DDX52: variants seen among roughly 807,000 people sequenced by gnomAD.
The protein encoded by DDX52 is probable ATP-dependent RNA helicase DDX52.
Under a neutral mutation model 76.1 loss-of-function variants are expected in DDX52, and 59 were observed. The observed-to-expected ratio is 0.78, with a 90% CI of 0.63 to 0.96. DDX52 has a LOEUF of 0.96. Ranked by LOEUF, DDX52 falls within the 40% of genes least tolerant of loss-of-function variation. The pLI, the probability that DDX52 is intolerant of heterozygous loss-of-function variation, is 0.00. For missense variants in DDX52, 707 were observed against 703.9 expected (o/e 1.00, Z -0.05); for synonymous variants, 231 against 244.1 (o/e 0.95, Z 0.50).
chr17:37,642,351 C>G (rs1202872698), intron 1 of DDX52, 43 bp from the exon 2 acceptor site: 2 of 1,567,876 alleles, frequency 1.3e-6, no homozygotes, highest in Non-Finnish European at 1.7e-6. Flanking sequence ...TGACAGAATA[C>G]CATTGCTTTC....
rs2031228345 is a variant in DDX52, at chr17:37,642,118, ATCG to A, written c.275_277del (p.Thr92del). 6.2e-7 allele frequency: 1 copy of A among 1,613,264 alleles called. No individual in the cohort carries two copies. On this transcript the variant is annotated inframe_deletion, in exon 2 of 15. Transcript: ENST00000617633. The stretch of plus-strand genomic sequence containing the variant: ...AGAAATCAAACACTAACCTGAAGTC[ATCG>A]TCTTCCTTTTTTTCTTGCTCTGCTC...
chr17:37,625,509 A>G (rs1337356727), intron 8 of DDX52, among the ~76,000 whole-genome samples: 1 of 152,118 alleles, frequency 6.6e-6, no homozygotes, highest in East Asian at 1.9e-4. Flanking sequence ...TTAGCATAAA[A>G]TGCTCCCCAA....
chr17:37,620,983 G>T (rs1333263129), intron 11 of DDX52, 35 bp from the exon 12 acceptor site: 3 of 1,571,716 alleles, frequency 1.9e-6, no homozygotes, highest in Admixed American at 2.1e-5. Context: ...AACACATTTT[G>T]GGGGGAAGGA....
At chr17:37,626,347 G>A (rs975134605) in intron 7 of DDX52, among the ~76,000 whole-genome samples, 1 of 152,042 alleles carries the variant, frequency 6.6e-6, no homozygotes, top group South Asian at 2.1e-4. Context: ...GGAGGTGACC[G>A]GCTCATGGGG....
At chr17:37,643,307 C>G in intron 1 of DDX52, 27 bp downstream of exon 1, 19 of 1,598,006 alleles carry the variant, frequency 1.2e-5, no homozygotes, top group Non-Finnish European at 1.6e-5. Flanking sequence ...CTCAGTTACT[C>G]GGCCCTCGGT....
In DDX52 at chr17:37,614,504, C is replaced by G. The variant is rs886341906; in HGVS notation, c.1743-151G>C. 3.9e-5 allele frequency: 28 copies of G among 718,588 alleles called. No homozygotes were observed. In the African/African-American group the frequency reaches 4.0e-4, roughly 10 times the overall value. 44.5% of individuals were successfully genotyped at this position (718,588 alleles called of 1,614,324 possible). ...AACACAAAGATGCATTAGACATGGT[C>G]TCTGCCCTTTAGAAAATCACAATCA... is the stretch of plus-strand genomic sequence containing the variant. On this transcript the variant is annotated intron_variant, in intron 14 of 14. Transcript: ENST00000617633.
intron 2 of DDX52, chr17:37,635,501 G>T (rs1400858956): frequency 4.7e-6 from 2 of 421,588 alleles, no homozygotes; most frequent in Admixed American, 5.6e-5. Flanking sequence ...TTTCACTCAA[G>T]ATAGTTGTTT....
chr17:37,614,313 G>A lies in DDX52; in HGVS notation c.1783C>T (p.Leu595Phe), dbSNP rs1437523986. The change falls in exon 15 of 15, where the codon CTT (leucine) becomes TTT (phenylalanine). Residue 595 changes from leucine to phenylalanine, a missense_variant. Transcript: ENST00000617633. The stretch of plus-strand genomic sequence containing the variant: ...GTCTGTTTTTAACTTTTGTCTTCAA[G>A]AGCTACTTTCTTCTTGCTGTTCTGA... ...TGQNSKKKVA[L>F]EDKS 1.2e-5 allele frequency: 20 copies of A among 1,612,676 alleles called. No individual in the cohort carries two copies. The highest frequency in any genetic ancestry group is 1.7e-5 in the Admixed American group (1 of 59,714).
At chr17:37,637,902 T>C (rs963843305) in intron 2 of DDX52, among the ~76,000 whole-genome samples, 1 of 152,124 alleles carries the variant, frequency 6.6e-6, no homozygotes, top group Non-Finnish European at 1.5e-5. Context: ...AATGAAAAAT[T>C]AGTTGAGCAA....
rs1411055135 is a variant in DDX52, at chr17:37,632,226, G to T, written c.490C>A (p.Gln164Lys). 1 of 1,613,934 alleles carries T rather than the reference G, an allele frequency of 6.2e-7. No homozygotes were observed. Among genetic ancestry groups the T allele is most frequent in the Non-Finnish European group, 8.5e-7 (1 of 1,180,000 alleles). ...ATTTTATATTCCTGGTCAAGTTGCTGAAATGTAGCAATTGGGTCAGGAAGA... is the reference window on the plus strand; with the variant it reads ...ATTTTATATTCCTGGTCAAGTTGCTTAAATGTAGCAATTGGGTCAGGAAGA... ...TDLPDPIATF[Q>K]QLDQEYKINS... Residue 164 changes from glutamine (Q) to lysine (K), a missense_variant, in exon 4 of 15, where the codon CAG (glutamine) becomes AAG (lysine). By Grantham distance (53) the Gln-to-Lys change is moderately conservative (BLOSUM62 1). Coordinates refer to ENST00000617633, the MANE Select transcript of DDX52 (RefSeq NM_007010.5).
In DDX52 at chr17:37,612,825, C is replaced by CT. The variant is rs1233139247; in HGVS notation, c.*1470dup. 6.6e-6 allele frequency: 1 copy of CT among 152,092 alleles called. No homozygotes were observed. The highest frequency in any genetic ancestry group is 2.4e-5 in the African/African-American group (1 of 41,430). The allele number at this position is 152,092 out of a possible 1,614,324, so 9.4% of individuals were successfully genotyped here. Reference sequence around the variant, plus strand: ...TTTTATAGATGAGAACACTGAAACTCTGAGAAATTAAGAACTTACTCAAAG... The same window carrying CT: ...TTTTATAGATGAGAACACTGAAACTCTTGAGAAATTAAGAACTTACTCAAAG... On this transcript the variant is annotated 3_prime_UTR_variant, in exon 15 of 15. Coordinates refer to ENST00000617633, the MANE Select transcript of DDX52 (RefSeq NM_007010.5).
In DDX52 at chr17:37,629,228, TACACACACACACACACACACACACAC is replaced by T. The variant is rs10661586; in HGVS notation, c.748-582_748-557del. On this transcript the variant is annotated intron_variant, in intron 5 of 14. Transcript: ENST00000617633. ...AGAGCATGACTGTCCCAAGAAAAAA[TACACACACACACACACACACACACAC>T]ACACACACACACACACACACACATA... is the stretch of plus-strand genomic sequence containing the variant. 1.0e-4 allele frequency among the ~76,000 whole-genome samples: 14 copies of T among 133,972 alleles called. No homozygotes were observed. In the South Asian group the frequency reaches 1.2e-3, roughly 12 times the overall value. The allele number at this position is 133,972 out of a possible 152,430, so 87.9% of individuals were successfully genotyped here. A position where few individuals can be genotyped will look rare whatever the true frequency, so the allele number is the denominator to read the frequency against.
chr17:37,616,930 C>G (rs936632260), intron 14 of DDX52, among the ~76,000 whole-genome samples: 4 of 152,148 alleles, frequency 2.6e-5, no homozygotes, highest in Non-Finnish European at 5.9e-5. Context: ...ATTTTCATGC[C>G]TCTATTCATC....
At chr17:37,626,450 G>A (rs2030379485) in intron 7 of DDX52, among the ~76,000 whole-genome samples, 1 of 152,094 alleles carries the variant, frequency 6.6e-6, no homozygotes, top group Non-Finnish European at 1.5e-5. Flanking sequence ...GGCCTCCCCA[G>A]TCATGCCCTG....
chr17:37,624,278 G>A (rs1247390068), intron 9 of DDX52, 66 bp downstream of exon 9: 1 of 1,204,162 alleles, frequency 8.3e-7, no homozygotes, highest in Non-Finnish European at 1.2e-6. Context: ...CACTGTAATA[G>A]CCTCCCACTA....
chr17:37,626,840 T>C lies in DDX52; in HGVS notation c.880A>G (p.Asn294Asp), dbSNP rs757110259. The change falls in exon 7 of 15, where the codon AAT becomes GAT. Residue 294 changes from asparagine (N) to aspartate (D), a missense_variant. Transcript: ENST00000617633. ...KKFDILVTTP[N>D]RLIYLLKQDP... ...TGCTTTAATAAATAGATTAGTCGAT[T>C]TGGAGTAGTCACAAGAATATCTATA... 1.9e-5 allele frequency: 31 copies of C among 1,612,470 alleles called. No homozygotes were observed. The highest frequency in any genetic ancestry group is 2.7e-5 in the African/African-American group (2 of 74,782).
rs1304797946 is a variant in DDX52 at position 37,613,311 on chromosome 17, T to C, written c.*985A>G. On this transcript the variant is annotated 3_prime_UTR_variant, in exon 15 of 15. Coordinates refer to ENST00000617633, the MANE Select transcript of DDX52 (RefSeq NM_007010.5). Reference sequence around the variant, plus strand: ...TTTAGCTTAAGTAGAGATCTACTTATTAAATGAGGCACCATCAACCTAAGG... The same window carrying C: ...TTTAGCTTAAGTAGAGATCTACTTACTAAATGAGGCACCATCAACCTAAGG... 6.6e-6 allele frequency: 1 copy of C among 152,184 alleles called. No individual in the cohort carries two copies. 9.4% of individuals were successfully genotyped at this position (152,184 alleles called of 1,614,324 possible).
intron 14 of DDX52, among the ~76,000 whole-genome samples, chr17:37,614,608 G>C (rs995849833): frequency 6.6e-6 from 1 of 152,186 alleles, no homozygotes; most frequent in Non-Finnish European, 1.5e-5. Flanking sequence ...GACCTAATGA[G>C]TTCACAATGA....
intron 8 of DDX52, among the ~76,000 whole-genome samples, chr17:37,625,044 C>CA (rs1463545644): frequency 6.6e-6 from 1 of 151,996 alleles, no homozygotes; most frequent in African/African-American, 2.4e-5. Context: ...CTCACTCTGT[C>CA]ACCCAGGCTG....
Sources: allele counts gnomAD v4.1 joint callset (sites outside exome capture counted in the v4.1 genomes callset), GRCh38; gene constraint gnomAD v4.1.1; transcripts MANE v1.5; gene names NCBI Gene and HGNC (gene_info 2026-07-23, HGNC 2026-07-21).